CDH13: variants seen among roughly 807,000 people sequenced by gnomAD.
CDH13 encodes cadherin-13.
In CDH13, 24 loss-of-function variants were observed where a neutral mutation model predicts 63.8. The ratio of observed to expected loss-of-function variants is 0.38; its 90% CI spans 0.27 to 0.53. The LOEUF is 0.53. Among genes scored for constraint, CDH13 ranks in the 20% least tolerant of loss-of-function variants. The pLI is 0.85. For synonymous variants in CDH13, 503 were observed against 355.3 expected (o/e 1.42, Z -4.67); for missense variants, 1,049 against 903.1 (o/e 1.16, Z -2.07).
rs1555535675 is a variant in CDH13, at chr16:82,697,767, G to GTGTGTA, written c.45+70635_45+70636insATGTGT. 2.3e-3 allele frequency among the ~76,000 whole-genome samples: 341 copies of GTGTGTA among 147,928 alleles called. 2 individuals are homozygous for GTGTGTA. Among genetic ancestry groups the GTGTGTA allele is most frequent in the African/African-American group, 8.3e-3 (321 of 38,594 alleles). On this transcript the variant is annotated intron_variant, in intron 1 of 13. Coordinates refer to ENST00000567109, the MANE Select transcript of CDH13 (RefSeq NM_001257.5). ...TGTGTGTGTGTGTGTGTGTGTGTGT[G>GTGTGTA]TGTGTGTGTGTGTGTGTGTGTAAGT...
intron 10 of CDH13, among the ~76,000 whole-genome samples, chr16:83,702,390 G>A (rs1034418019): frequency 2.6e-5 from 4 of 152,092 alleles, no homozygotes; most frequent in East Asian, 1.9e-4. Context: ...GCTCCATAAC[G>A]TTCAGAGATC....
intron 1 of CDH13, among the ~76,000 whole-genome samples, chr16:82,800,605 A>G (rs1472218251): frequency 6.6e-6 from 1 of 152,194 alleles, no homozygotes; most frequent in Non-Finnish European, 1.5e-5. Flanking sequence ...TTTTCAGGTA[A>G]TTCTTCTAAA....
rs150271962 is a variant in CDH13, at chr16:83,311,087, C to T, written c.637-33775C>T. 7.0e-4 allele frequency among the ~76,000 whole-genome samples: 106 copies of T among 152,314 alleles called. 2 individuals carry two copies. Among genetic ancestry groups the T allele is most frequent in the Middle Eastern group, 6.8e-3 (2 of 294 alleles). ...ATGGAGTTTTACTGCTCTCCTGCTC[C>T]TCTGACGTCTCGGTTCTGTTCTTCA... On this transcript the variant is annotated intron_variant, in intron 5 of 13. Coordinates refer to ENST00000567109, the MANE Select transcript of CDH13 (RefSeq NM_001257.5).
At chr16:83,143,530 C>T (rs2036623352) in intron 4 of CDH13, among the ~76,000 whole-genome samples, 2 of 152,108 alleles carry the variant, frequency 1.3e-5, no homozygotes, top group Admixed American at 6.5e-5. Flanking sequence ...ACAATGTGAA[C>T]TACTTGGATA....
intron 8 of CDH13, among the ~76,000 whole-genome samples, chr16:83,660,499 T>A (rs1427235442): frequency 6.6e-6 from 1 of 152,140 alleles, no homozygotes; most frequent in African/African-American, 2.4e-5. Flanking sequence ...CAGCCGTAAA[T>A]ACAGATGAAG....
chr16:82,751,042 C>G (rs145536542), intron 1 of CDH13, among the ~76,000 whole-genome samples: 1 of 152,344 alleles, frequency 6.6e-6, no homozygotes, highest in African/African-American at 2.4e-5. Flanking sequence ...TTCTACCATC[C>G]TCCTCCTTCC....
chr16:83,747,314 G>A (rs1162698071), intron 10 of CDH13, among the ~76,000 whole-genome samples: 1 of 152,144 alleles, frequency 6.6e-6, no homozygotes. Flanking sequence ...TCTTTCCCAT[G>A]CTGTTCTCGT....
At chr16:82,691,657 T>C (rs1915659227) in intron 1 of CDH13, among the ~76,000 whole-genome samples, 1 of 152,186 alleles carries the variant, frequency 6.6e-6, no homozygotes, top group African/African-American at 2.4e-5. Context: ...AAGCCTGTTG[T>C]ACTATTAGGG....
intron 1 of CDH13, among the ~76,000 whole-genome samples, chr16:82,627,363 T>C (rs1907436290): frequency 6.6e-6 from 1 of 151,812 alleles, no homozygotes; most frequent in African/African-American, 2.4e-5. Flanking sequence ...TGTGTGTGTG[T>C]GTGTGTGTGT....
intron 11 of CDH13, among the ~76,000 whole-genome samples, chr16:83,774,795 G>A (rs1207498219): frequency 6.6e-6 from 1 of 152,216 alleles, no homozygotes; most frequent in Non-Finnish European, 1.5e-5. Flanking sequence ...GGGGAATGGG[G>A]ACTTGGTGTT....
intron 2 of CDH13, among the ~76,000 whole-genome samples, chr16:82,904,725 A>C (rs2041587053): frequency 6.6e-6 from 1 of 152,162 alleles, no homozygotes; most frequent in South Asian, 2.1e-4. Context: ...AATTTAAGTG[A>C]AGCAGGTTTA....
chr16:83,250,805 C>A (rs1315408694), intron 5 of CDH13, among the ~76,000 whole-genome samples: 2 of 152,110 alleles, frequency 1.3e-5, no homozygotes, highest in Non-Finnish European at 2.9e-5. Flanking sequence ...ACAGACTTTC[C>A]CATCTGTGCT....
chr16:82,886,561 AT>A (rs10658401), intron 2 of CDH13, among the ~76,000 whole-genome samples: 40 of 149,382 alleles, frequency 2.7e-4, no homozygotes, highest in African/African-American at 2.5e-4. Context: ...TATTTGTGCA[AT>A]TTTTTTTTTT....
intron 6 of CDH13, among the ~76,000 whole-genome samples, chr16:83,373,563 A>ATC (rs1249407718): frequency 6.6e-6 from 1 of 152,134 alleles, no homozygotes; most frequent in African/African-American, 2.4e-5. Flanking sequence ...AGGGAGTAGA[A>ATC]AGGGCTGGAA....
Position 82,930,871 on chromosome 16 carries a change from C to T in CDH13, c.157+72398C>T, listed in dbSNP as rs2151294816. Among the ~76,000 whole-genome samples the T allele has an allele frequency of 2.0e-5, 3 of 152,274 alleles. 1 individual carries two copies. The Middle Eastern group carries it at 0.01, about 518-fold the overall frequency. ...CTATCAGAGAGGACATAAATCACTC[C>T]TCTTCCCAAATTAGATTAAAATCCT... On this transcript the variant is annotated intron_variant, in intron 2 of 13. Transcript: ENST00000567109.
rs533155997 is a variant in CDH13, at chr16:83,228,681, G to A, written c.636+11184G>A. Reference sequence around the variant, plus strand: ...GAAAGCATTTAATGGCACCTCCAGCGGAGTGCGTGCAGTTTAGAGCAGACG... The same window carrying A: ...GAAAGCATTTAATGGCACCTCCAGCAGAGTGCGTGCAGTTTAGAGCAGACG... On this transcript the variant is annotated intron_variant, in intron 5 of 13. Coordinates refer to ENST00000567109, the MANE Select transcript of CDH13 (RefSeq NM_001257.5). Among the ~76,000 whole-genome samples the A allele has an allele frequency of 2.0e-4, 30 of 152,322 alleles. No individual in the cohort carries two copies. In the South Asian group the frequency reaches 4.4e-3, roughly 22 times the overall value.
intron 2 of CDH13, among the ~76,000 whole-genome samples, chr16:82,916,272 A>C (rs1292747516): frequency 2.0e-5 from 3 of 152,120 alleles, no homozygotes; most frequent in Non-Finnish European, 4.4e-5. Context: ...GTGTAAAATG[A>C]TTCAAATAAA....
At chr16:82,972,873 A>G (rs555489573) in intron 2 of CDH13, among the ~76,000 whole-genome samples, 1 of 152,280 alleles carries the variant, frequency 6.6e-6, no homozygotes, top group South Asian at 2.1e-4. Flanking sequence ...AGGTCCATGA[A>G]GGAAACCAGG....
intron 7 of CDH13, among the ~76,000 whole-genome samples, chr16:83,530,337 T>C (rs191262488): frequency 1.3e-5 from 2 of 152,336 alleles, no homozygotes; most frequent in East Asian, 3.9e-4. Context: ...GCTGACCTTG[T>C]GCTGAGTTTT....
Sources: allele counts gnomAD v4.1 joint callset (sites outside exome capture counted in the v4.1 genomes callset), GRCh38; gene constraint gnomAD v4.1.1; transcripts MANE v1.5; gene names NCBI Gene and HGNC (gene_info 2026-07-23, HGNC 2026-07-21).